Variants in PIBF1 observed in about 807,000 individuals in gnomAD.
PIBF1 encodes the protein progesterone-induced-blocking factor 1.
In PIBF1, 90 loss-of-function variants were observed where a neutral mutation model predicts 112.5. That is an observed-to-expected ratio of 0.80 (90% CI 0.67 to 0.95). The LOEUF is 0.95. Among genes scored for constraint, PIBF1 ranks in the 40% least tolerant of loss-of-function variants. The pLI, the probability that PIBF1 is intolerant of heterozygous loss-of-function variation, is 0.00. For synonymous variants in PIBF1, 301 were observed against 288.6 expected, an observed-to-expected ratio of 1.04 and a Z score of -0.44; for missense variants, 915 against 852.3, an observed-to-expected ratio of 1.07 and a Z score of -0.92.
intron 13 of PIBF1, among the ~76,000 whole-genome samples, chr13:72,924,527 G>C (rs1457520921): frequency 1.3e-5 from 2 of 152,108 alleles, no homozygotes; most frequent in Admixed American, 6.6e-5. Flanking sequence ...TTTGAGACTA[G>C]CCTGGGTAAC....
intron 5 of PIBF1, among the ~76,000 whole-genome samples, chr13:72,800,795 A>G (rs1314260183): frequency 1.3e-5 from 2 of 152,226 alleles, no homozygotes; most frequent in African/African-American, 2.4e-5. Context: ...TAGTGTGACA[A>G]AAGTTGATAA....
intron 10 of PIBF1, among the ~76,000 whole-genome samples, chr13:72,877,064 G>A (rs1453765598): frequency 1.3e-5 from 2 of 152,130 alleles, no homozygotes; most frequent in African/African-American, 2.4e-5. Flanking sequence ...GCTATTCCTA[G>A]TTTACTAAGA....
Position 72,863,837 on chromosome 13 carries a change from G to T in PIBF1, c.1322+9682G>T, listed in dbSNP as rs117039521. ...TAAAGATATACTCAAAAATCTTTAC[G>T]TGTGAGATTTCCAAGAGGGAAAGTG... On this transcript the variant is annotated intron_variant, in intron 10 of 17. Transcript: ENST00000326291. Among the ~76,000 whole-genome samples the T allele has an allele frequency of 8.5e-3, 1,300 of 152,224 alleles. 67 individuals carry two copies. The highest frequency in any genetic ancestry group is 9.6e-3 in the East Asian group (50 of 5,184).
At chr13:72,880,844 T>C (rs988379065) in intron 10 of PIBF1, among the ~76,000 whole-genome samples, 1 of 152,192 alleles carries the variant, frequency 6.6e-6, no homozygotes, top group Non-Finnish European at 1.5e-5. Flanking sequence ...GATTTGTTAC[T>C]TAGCCCAGAA....
At chr13:72,809,132 C>CT (rs35219701) in intron 5 of PIBF1, among the ~76,000 whole-genome samples, 17,613 of 74,744 alleles carry the variant, frequency 0.24, 2,447 homozygotes, top group African/African-American at 0.42. Context: ...GTATATGTCC[C>CT]TTTTTTTTTT....
chr13:72,989,177 A>G (rs1457119466), intron 16 of PIBF1, among the ~76,000 whole-genome samples: 1 of 152,260 alleles, frequency 6.6e-6, no homozygotes, highest in Non-Finnish European at 1.5e-5. Flanking sequence ...ATAGAGTTAC[A>G]TACAACCCAG....
intron 10 of PIBF1, among the ~76,000 whole-genome samples, chr13:72,865,673 A>G (rs1310668328): frequency 1.3e-5 from 2 of 152,218 alleles, no homozygotes; most frequent in Non-Finnish European, 2.9e-5. Flanking sequence ...CTAAAGAAGT[A>G]ATATGGCTTG....
At chr13:72,937,597 A>G (rs531231821) in intron 14 of PIBF1, among the ~76,000 whole-genome samples, 3 of 152,282 alleles carry the variant, frequency 2.0e-5, no homozygotes, top group Admixed American at 2.0e-4. Flanking sequence ...AGACAGGTGG[A>G]TCACCTGAGG....
chr13:72,927,968 T>TATAC (rs1566457948), intron 13 of PIBF1, among the ~76,000 whole-genome samples: 13 of 122,468 alleles, frequency 1.1e-4, no homozygotes, highest in African/African-American at 2.8e-4. Context: ...TACACATATA[T>TATAC]ATATATATAC....
chr13:72,997,971 A>T (rs551051584), intron 16 of PIBF1, among the ~76,000 whole-genome samples: 1 of 152,330 alleles, frequency 6.6e-6, no homozygotes, highest in Non-Finnish European at 1.5e-5. Context: ...ATCTCTTCAA[A>T]AAGTTCATCA....
chr13:72,972,041 TTTA>T (rs2042907914), intron 15 of PIBF1, among the ~76,000 whole-genome samples: 4 of 150,980 alleles, frequency 2.6e-5, no homozygotes, highest in African/African-American at 9.7e-5. Context: ...TATTTATTTA[TTTA>T]TTTATTTTTT....
chr13:72,846,215 T>C (rs2037872350), intron 9 of PIBF1, among the ~76,000 whole-genome samples: 1 of 152,160 alleles, frequency 6.6e-6, no homozygotes. Flanking sequence ...CCACCTTCAG[T>C]CTTACCCAGT....
intron 8 of PIBF1, among the ~76,000 whole-genome samples, chr13:72,829,986 G>A (rs1052691089): frequency 1.3e-5 from 2 of 152,108 alleles, no homozygotes; most frequent in African/African-American, 4.8e-5. Context: ...CCTTGAAGAG[G>A]TCCTTCACAT....
chr13:72,889,680 C>A (rs2039983221), intron 10 of PIBF1, among the ~76,000 whole-genome samples: 1 of 152,148 alleles, frequency 6.6e-6, no homozygotes, highest in South Asian at 2.1e-4. Context: ...TTTATCTGTA[C>A]ACAGTTGTCC....
intron 6 of PIBF1, 59 bp downstream of exon 6, chr13:72,822,041 C>T (rs901450948): frequency 4.1e-6 from 6 of 1,451,802 alleles, no homozygotes; most frequent in Non-Finnish European, 4.7e-6. Context: ...ATCAAAGTCA[C>T]CTGAGTTTTT....
At chr13:72,981,752 A>G (rs2043163350) in intron 16 of PIBF1, among the ~76,000 whole-genome samples, 1 of 152,244 alleles carries the variant, frequency 6.6e-6, no homozygotes, top group Non-Finnish European at 1.5e-5. Flanking sequence ...AGGTGTAAAC[A>G]TAGAAGATGG....
At chr13:72,933,058 AAGTCC>A (rs1415120377) in intron 14 of PIBF1, among the ~76,000 whole-genome samples, 2 of 150,304 alleles carry the variant, frequency 1.3e-5, no homozygotes, top group African/African-American at 4.9e-5. Context: ...GCTGCAAGCC[AAGTCC>A]AGCACACTGC....
intron 13 of PIBF1, among the ~76,000 whole-genome samples, chr13:72,930,469 C>T (rs1375588578): frequency 6.6e-6 from 1 of 152,100 alleles, no homozygotes; most frequent in Non-Finnish European, 1.5e-5. Context: ...ACCACTTCCT[C>T]CCACCATAGT....
chr13:72,909,203 T>C (rs925796323), intron 12 of PIBF1, among the ~76,000 whole-genome samples: 11 of 152,344 alleles, frequency 7.2e-5, no homozygotes, highest in African/African-American at 2.6e-4. Context: ...TGATAGCTTT[T>C]ATCTGTTCAA....
Sources: gnomAD v4.1 joint callset for allele counts (sites outside exome capture counted in the v4.1 genomes callset) on GRCh38, gnomAD v4.1.1 for gene constraint, MANE v1.5 for transcripts, NCBI Gene and HGNC (gene_info 2026-07-23, HGNC 2026-07-21) for gene names.